Variants in ABHD12 observed in about 807,000 individuals in gnomAD.
ABHD12 encodes abhydrolase domain containing 12, lysophospholipase.
A neutral mutation model predicts 58.3 loss-of-function variants in ABHD12; 43 were observed. The observed-to-expected ratio is 0.74, with a 90% CI of 0.58 to 0.95. The LOEUF (loss-of-function observed/expected upper bound fraction) is 0.95. Ranked by LOEUF, ABHD12 falls within the 40% of genes least tolerant of loss-of-function variation. The pLI is 0.00. For missense variants in ABHD12, 539 were observed against 537.2 expected, an observed-to-expected ratio of 1.00 and a Z score of -0.03; for synonymous variants, 219 against 211.2, an observed-to-expected ratio of 1.04 and a Z score of -0.32.
intron 5 of ABHD12, 110 bp downstream of exon 5, chr20:25,316,938 A>C: frequency 1.9e-6 from 2 of 1,035,348 alleles, no homozygotes; most frequent in South Asian, 1.3e-5. Flanking sequence ...TCACACACAC[A>C]AACAGCCCAG....
chr20:25,305,483 C>CT (rs1056432332), intron 10 of ABHD12, among the ~76,000 whole-genome samples: 31 of 152,034 alleles, frequency 2.0e-4, no homozygotes, highest in African/African-American at 6.5e-4. Flanking sequence ...CTGCCTCAGC[C>CT]TCCTGATTAG....
At chr20:25,308,074 T>C (rs2088778478) in intron 8 of ABHD12, 29 bp from the exon 9 acceptor site, 1 of 1,477,280 alleles carries the variant, frequency 6.8e-7, no homozygotes, top group Non-Finnish European at 9.5e-7. Context: ...AACTGAGAGG[T>C]AGGCAGGAAG....
chr20:25,323,609 G>A (rs1206931411), intron 2 of ABHD12, among the ~76,000 whole-genome samples, 179 bp from the exon 3 acceptor site: 3 of 152,208 alleles, frequency 2.0e-5, no homozygotes, highest in African/African-American at 4.8e-5. Flanking sequence ...CTTTTCCTGT[G>A]CAATCTTACA....
chr20:25,372,561 G>C (rs1327867584), intron 1 of ABHD12, among the ~76,000 whole-genome samples: 1 of 152,138 alleles, frequency 6.6e-6, no homozygotes, highest in Non-Finnish European at 1.5e-5. Context: ...AAGATATTTG[G>C]GGTGGGAGGA....
At chr20:25,338,892 GAAGA>G in intron 2 of ABHD12, 1 of 1,144,748 alleles carries the variant, frequency 8.7e-7, no homozygotes. Context: ...CACCTCAGCT[GAAGA>G]CAGATACGCT....
At chr20:25,382,976 G>T (rs2090040360) in intron 1 of ABHD12, among the ~76,000 whole-genome samples, 2 of 152,162 alleles carry the variant, frequency 1.3e-5, no homozygotes, top group African/African-American at 4.8e-5. Context: ...AACAAAGCCA[G>T]CCCCATGCCT....
rs2088620600 is a variant in ABHD12, at chr20:25,300,765, G to T, written c.*80C>A. ...AGCATTGCAGGTGCCGGCCCCCCGG[G>T]GCTTCAGGATACCGGGCTGCTGACT... On this transcript the variant is annotated 3_prime_UTR_variant, in exon 13 of 13. Transcript: ENST00000339157. 2 of 1,611,580 alleles carry T rather than the reference G, an allele frequency of 1.2e-6. No individual in the cohort carries two copies. The highest frequency in any genetic ancestry group is 2.7e-5 in the African/African-American group (2 of 74,994).
Position 25,323,407 on chromosome 20 carries a change from A to T in ABHD12, c.340T>A (p.Leu114Met). 1 of 1,611,696 alleles carries T rather than the reference A, an allele frequency of 6.2e-7. No individual in the cohort carries two copies. ...AAACCTTGATCCTGTGGTTTTTTCA[A>T]ATCAATGAAATAGGGAACTCTTACT... is the stretch of plus-strand genomic sequence containing the variant. ...NFVRVPYFIDLKKPQDQGLNH... is the reference protein window; with the variant it reads ...NFVRVPYFIDMKKPQDQGLNH... Residue 114 changes from leucine (L) to methionine (M), a missense_variant, in exon 3 of 13, where the codon TTG (leucine) becomes ATG (methionine). Leu to Met is a conservative substitution (Grantham distance 15). Coordinates refer to ENST00000339157, the MANE Select transcript of ABHD12 (RefSeq NM_001042472.3).
At chr20:25,295,683 G>T (rs1169186615), downstream of ABHD12, 2 of 1,609,926 alleles carry the variant, frequency 1.2e-6, no homozygotes, top group South Asian at 2.2e-5. Flanking sequence ...GAGGCTCCTG[G>T]GTCCAGAGGC....
chr20:25,296,528 C>T (rs201916087), downstream of ABHD12: 178 of 1,610,490 alleles, frequency 1.1e-4, no homozygotes, highest in Non-Finnish European at 1.4e-4. Flanking sequence ...ACTAGGCACA[C>T]CCTGCCTTGG....
intron 6 of ABHD12, 112 bp downstream of exon 6, chr20:25,314,813 G>A: frequency 1.7e-6 from 2 of 1,207,346 alleles, no homozygotes; most frequent in Non-Finnish European, 2.5e-6. Context: ...TCACAGCACA[G>A]GCAAAGCAGG....
At chr20:25,381,626 CTT>C (rs776504228) in intron 1 of ABHD12, among the ~76,000 whole-genome samples, 1 of 142,064 alleles carries the variant, frequency 7.0e-6, no homozygotes, top group Non-Finnish European at 1.5e-5. Flanking sequence ...TCAGTACCCT[CTT>C]TTTTTTTTTT....
chr20:25,304,472 C>T (rs1336375093), intron 10 of ABHD12, among the ~76,000 whole-genome samples: 1 of 152,248 alleles, frequency 6.6e-6, no homozygotes, highest in Non-Finnish European at 1.5e-5. Context: ...GGGTGGGGGT[C>T]TCACCCAGGG....
intron 1 of ABHD12, among the ~76,000 whole-genome samples, chr20:25,377,241 G>A (rs980054776): frequency 1.3e-5 from 2 of 152,190 alleles, no homozygotes; most frequent in African/African-American, 4.8e-5. Flanking sequence ...GCCTTGTCAA[G>A]GTGTCCTGTG....
At chr20:25,389,717 C>T (rs1258621903) in intron 1 of ABHD12, among the ~76,000 whole-genome samples, 1 of 152,240 alleles carries the variant, frequency 6.6e-6, no homozygotes, top group Non-Finnish European at 1.5e-5. Context: ...AACCAAACGA[C>T]TCAGGACTGC....
chr20:25,374,257 G>T (rs1469573029), intron 1 of ABHD12, among the ~76,000 whole-genome samples: 1 of 152,004 alleles, frequency 6.6e-6, no homozygotes, highest in African/African-American at 2.4e-5. Flanking sequence ...ACCACACCTG[G>T]CCTAGTAATG....
intron 1 of ABHD12, chr20:25,368,249 TTAAGA>T (rs2089850866): frequency 2.0e-6 from 3 of 1,488,744 alleles, no homozygotes; most frequent in African/African-American, 1.4e-5. Context: ...GGTCTGGTGG[TTAAGA>T]TAAAACACAA....
intron 2 of ABHD12, among the ~76,000 whole-genome samples, chr20:25,335,892 G>T (rs1336827061): frequency 6.7e-6 from 1 of 149,696 alleles, no homozygotes; most frequent in East Asian, 2.0e-4. Flanking sequence ...CACCAGCATG[G>T]CACATGTATA....
At position 25,339,234 on chromosome 20, in the gene ABHD12, C is replaced by G. The variant is rs2089421538; in HGVS notation, c.309G>C (p.Leu103Phe). 1 of 1,613,938 alleles carries G rather than the reference C, an allele frequency of 6.2e-7. No individual in the cohort carries two copies. The highest frequency in any genetic ancestry group is 8.5e-7 in the Non-Finnish European group (1 of 1,180,002). Residue 103 changes from leucine (L) to phenylalanine (F), a missense_variant, in exon 2 of 13, where the codon TTG (leucine) becomes TTC (phenylalanine). Leu to Phe is a conservative substitution (Grantham distance 22). Coordinates refer to ENST00000339157, the MANE Select transcript of ABHD12 (RefSeq NM_001042472.3). The stretch of plus-strand genomic sequence containing the variant: ...TGGACACATACCACTTACCGAAATT[C>G]AAGAAAATCAGTTTGGCCTGTATTC... ...CPGIQAKLIF[L>F]NFVRVPYFID... is the part of the protein sequence containing the mutation.
Sources: allele counts gnomAD v4.1 joint callset (sites outside exome capture counted in the v4.1 genomes callset), GRCh38; gene constraint gnomAD v4.1.1; transcripts MANE v1.5; gene names NCBI Gene and HGNC (gene_info 2026-07-23, HGNC 2026-07-21).